Variants in TRIM22 observed in about 807,000 individuals in gnomAD.
TRIM22 encodes E3 ubiquitin-protein ligase TRIM22.
In TRIM22, 45 loss-of-function variants were observed where a neutral mutation model predicts 53.6. The ratio of observed to expected loss-of-function variants is 0.84; its 90% CI spans 0.66 to 1.08. TRIM22 has a LOEUF of 1.08. Ranked by LOEUF, TRIM22 falls within the 50% of genes least tolerant of loss-of-function variation. The pLI is 0.00. For synonymous variants in TRIM22, 225 were observed against 216.6 expected (o/e 1.04, Z -0.34); for missense variants, 616 against 590.9 (o/e 1.04, Z -0.44).
chr11:5,705,933 G>C (rs1227372296), intron 4 of TRIM22, among the ~76,000 whole-genome samples: 1 of 152,144 alleles, frequency 6.6e-6, no homozygotes, highest in East Asian at 1.9e-4. Context: ...TACACAGTGA[G>C]TACATGGAGG....
At chr11:5,691,435 A>G (rs1853171000) in intron 1 of TRIM22, among the ~76,000 whole-genome samples, 1 of 152,254 alleles carries the variant, frequency 6.6e-6, no homozygotes, top group Non-Finnish European at 1.5e-5. Flanking sequence ...TATAGATAAC[A>G]AACCAATTAG....
rs778344310 is a variant in TRIM22 at position 5,696,607 on chromosome 11, C to A, written c.375C>A (p.His125Gln). The change falls in exon 2 of 8, where the codon CAC (histidine) becomes CAA (glutamine). Residue 125 changes from histidine (H) to glutamine (Q), a missense_variant. His to Gln is a conservative substitution (Grantham distance 24, BLOSUM62 0). Coordinates refer to ENST00000379965, the MANE Select transcript of TRIM22 (RefSeq NM_006074.5). ...ICWVCELSQE[H>Q]QGHQTFRINE... is the part of the protein sequence containing the mutation. ...GGGTTTGTGAACTGTCTCAGGAACA[C>A]CAAGGTCACCAAACATTCCGCATAA... is the stretch of plus-strand genomic sequence containing the variant. 6.2e-7 allele frequency: 1 copy of A among 1,613,590 alleles called. No homozygotes were observed. Among genetic ancestry groups the A allele is most frequent in the Non-Finnish European group, 8.5e-7 (1 of 1,180,036 alleles).
At chr11:5,694,439 G>A (rs1449509210) in intron 1 of TRIM22, among the ~76,000 whole-genome samples, 2 of 152,186 alleles carry the variant, frequency 1.3e-5, no homozygotes, top group Non-Finnish European at 2.9e-5. Flanking sequence ...ACCACAGCAT[G>A]CCCCAGAACT....
In TRIM22 at chr11:5,697,273, G is replaced by A. The variant is rs200924168; in HGVS notation, c.449G>A (p.Arg150Lys). 1.2e-6 allele frequency: 2 copies of A among 1,613,342 alleles called. No homozygotes were observed. Among genetic ancestry groups the A allele is most frequent in the African/African-American group, 2.7e-5 (2 of 75,010 alleles). Residue 150 changes from arginine to lysine, a missense_variant, in exon 3 of 8, where the codon AGG becomes AAG. Transcript: ENST00000379965. ...GAAAAGCTGCAGGTAGCCCTGCAGA[G>A]GCTGATAAAGGAGGATCAAGAGGCT... ...CQEKLQVALQ[R>K]LIKEDQEAEK... is the part of the protein sequence containing the mutation.
At chr11:5,693,495 C>T (rs933267746) in intron 1 of TRIM22, among the ~76,000 whole-genome samples, 22 of 151,772 alleles carry the variant, frequency 1.4e-4, no homozygotes, top group Non-Finnish European at 2.7e-4. Flanking sequence ...CCGAGGCGGG[C>T]AGATCATGAG....
At chr11:5,705,947 G>A (rs1280203851) in intron 4 of TRIM22, among the ~76,000 whole-genome samples, 2 of 152,138 alleles carry the variant, frequency 1.3e-5, no homozygotes, top group African/African-American at 4.8e-5. Context: ...ATGGAGGCCA[G>A]ACAAACTTTT....
Position 5,710,224 on chromosome 11 carries a change from T to G in TRIM22, c.*576T>G, listed in dbSNP as rs1853537318. ...CTTTCTTGCAAGAGATGCTTGTACATTATTTTCCTAATACCTTGGTTTCAC... is the reference window on the plus strand; with the variant it reads ...CTTTCTTGCAAGAGATGCTTGTACAGTATTTTCCTAATACCTTGGTTTCAC... On this transcript the variant is annotated 3_prime_UTR_variant, in exon 8 of 8. Transcript: ENST00000379965. 6.6e-6 allele frequency: 1 copy of G among 152,334 alleles called. No homozygotes were observed. Among genetic ancestry groups the G allele is most frequent in the Admixed American group, 6.5e-5 (1 of 15,298 alleles). The allele number at this position is 152,334 out of a possible 1,614,324, so 9.4% of individuals were successfully genotyped here.
At chr11:5,708,943 C>T (rs1853510195) in intron 7 of TRIM22, 110 bp from the exon 8 acceptor site, 1 of 867,862 alleles carries the variant, frequency 1.2e-6, no homozygotes, top group South Asian at 1.7e-5. Flanking sequence ...ACTATCAACA[C>T]AAGTTCCGTT....
In TRIM22 at chr11:5,696,637, G is replaced by C; in HGVS notation, c.405G>C (p.Glu135Asp). 6.2e-7 allele frequency: 1 copy of C among 1,610,926 alleles called. No homozygotes were observed. The highest frequency in any genetic ancestry group is 8.5e-7 in the Non-Finnish European group (1 of 1,179,572). The change falls in exon 2 of 8, where the codon GAG (glutamate) becomes GAC (aspartate). Residue 135 changes from glutamate (E) to aspartate (D), a missense_variant. Glu to Asp is a conservative substitution (Grantham distance 45). Transcript: ENST00000379965. ...HQGHQTFRIN[E>D]VVKECQEKLQ... Reference sequence around the variant, plus strand: ...GTCACCAAACATTCCGCATAAACGAGGTGGTCAAGGAATGTCAGGTAGGCT... The same window carrying C: ...GTCACCAAACATTCCGCATAAACGACGTGGTCAAGGAATGTCAGGTAGGCT...
rs1394527446 is a variant in TRIM22 at position 5,696,338 on chromosome 11, C to G, written c.106C>G (p.Gln36Glu). 1 of 1,614,240 alleles carries G rather than the reference C, an allele frequency of 6.2e-7. No individual in the cohort carries two copies. The highest frequency in any genetic ancestry group is 8.5e-7 in the Non-Finnish European group (1 of 1,180,032). ...CCTAGATTGTGGCCACAGCTTCTGCCAAGCCTGCATCACTGCAAAGATCAA... is the reference window on the plus strand; with the variant it reads ...CCTAGATTGTGGCCACAGCTTCTGCGAAGCCTGCATCACTGCAAAGATCAA... ...LSLDCGHSFC[Q>E]ACITAKIKES... Residue 36 changes from glutamine (Q) to glutamate (E), a missense_variant, in exon 2 of 8, where the codon CAA (glutamine) becomes GAA (glutamate). By Grantham distance (29) the Gln-to-Glu change is conservative. Transcript: ENST00000379965.
chr11:5,690,803 T>C (rs1359234524), intron 1 of TRIM22, among the ~76,000 whole-genome samples: 1 of 152,208 alleles, frequency 6.6e-6, no homozygotes, highest in Non-Finnish European at 1.5e-5. Flanking sequence ...TGAAGCTTTG[T>C]TTTCACTTTT....
At chr11:5,697,035 C>T in intron 2 of TRIM22, 1 of 538,732 alleles carries the variant, frequency 1.9e-6, no homozygotes, top group Non-Finnish European at 3.2e-6. Context: ...AATCAGGCTA[C>T]TCTTGATAAG....
chr11:5,696,114 C>T, intron 1 of TRIM22, 53 bp from the exon 2 acceptor site: 1 of 844,788 alleles, frequency 1.2e-6, no homozygotes, highest in South Asian at 1.9e-5. Context: ...TCTGTAAAAG[C>T]AGTATTCTTT....
At chr11:5,691,351 A>G (rs1381219147) in intron 1 of TRIM22, among the ~76,000 whole-genome samples, 1 of 152,138 alleles carries the variant, frequency 6.6e-6, no homozygotes, top group Non-Finnish European at 1.5e-5. Flanking sequence ...TGGGGGCTGC[A>G]TACACCGGTA....
chr11:5,706,416 G>A (rs878972735), intron 4 of TRIM22, 178 bp from the exon 5 acceptor site: 4 of 442,892 alleles, frequency 9.0e-6, no homozygotes, highest in Non-Finnish European at 1.5e-5. Context: ...CTCAGTTAAA[G>A]TTTAATTTCA....
intron 4 of TRIM22, among the ~76,000 whole-genome samples, chr11:5,702,611 A>C (rs1382712385): frequency 6.6e-6 from 1 of 151,964 alleles, no homozygotes; most frequent in Admixed American, 6.6e-5. Context: ...GAGTATCCTC[A>C]ATCTTGAGTA....
chr11:5,696,603 A>T lies in TRIM22; in HGVS notation c.371A>T (p.Glu124Val), dbSNP rs1302403740. ...TGCTGGGTTTGTGAACTGTCTCAGGAACACCAAGGTCACCAAACATTCCGC... is the reference window on the plus strand; with the variant it reads ...TGCTGGGTTTGTGAACTGTCTCAGGTACACCAAGGTCACCAAACATTCCGC... ...VICWVCELSQ[E>V]HQGHQTFRIN... The change falls in exon 2 of 8, where the codon GAA becomes GTA. Residue 124 changes from glutamate to valine, a missense_variant. Transcript: ENST00000379965. 6.2e-7 allele frequency: 1 copy of T among 1,613,844 alleles called. No homozygotes were observed. The highest frequency in any genetic ancestry group is 2.2e-5 in the East Asian group (1 of 44,884).
At chr11:5,690,815 A>G (rs1398199515) in intron 1 of TRIM22, among the ~76,000 whole-genome samples, 1 of 152,202 alleles carries the variant, frequency 6.6e-6, no homozygotes, top group Non-Finnish European at 1.5e-5. Flanking sequence ...TTCACTTTTC[A>G]TAAAGCAACC....
intron 4 of TRIM22, among the ~76,000 whole-genome samples, chr11:5,702,557 A>G (rs1386199880): frequency 6.6e-6 from 1 of 151,684 alleles, no homozygotes; most frequent in Non-Finnish European, 1.5e-5. Flanking sequence ...CTAATTACAA[A>G]TAACACTATA....
Sources: allele counts gnomAD v4.1 joint callset (sites outside exome capture counted in the v4.1 genomes callset), GRCh38; gene constraint gnomAD v4.1.1; transcripts MANE v1.5; gene names NCBI Gene and HGNC (gene_info 2026-07-23, HGNC 2026-07-21).